The following ARHGEF10L variants were observed in gnomAD, a reference collection of about 807,000 sequenced individuals.
The protein encoded by ARHGEF10L is Rho guanine nucleotide exchange factor 10 like.
ARHGEF10L carries 69 observed loss-of-function variants against 141.2 expected under a neutral mutation model. That is an observed-to-expected ratio of 0.49 (90% CI 0.40 to 0.60). ARHGEF10L has a LOEUF of 0.60. Among genes scored for constraint, ARHGEF10L ranks in the 20% least tolerant of loss-of-function variants. ARHGEF10L has a pLI of 0.00. For synonymous variants in ARHGEF10L, 711 were observed against 718.5 expected, an observed-to-expected ratio of 0.99 and a Z score of 0.17; for missense variants, 1,482 against 1,734.3, an observed-to-expected ratio of 0.85 and a Z score of 2.58.
chr1:17,624,990 G>GT (rs2060304545), intron 13 of ARHGEF10L, among the ~76,000 whole-genome samples: 1 of 152,232 alleles, frequency 6.6e-6, no homozygotes, highest in Admixed American at 6.5e-5. Flanking sequence ...CTTTGGGAGT[G>GT]TAGTCTGGTG....
rs777753049 is a variant in ARHGEF10L at position 17,666,929 on chromosome 1, C to T, written c.3009+2334C>T. Among the ~76,000 whole-genome samples the T allele has an allele frequency of 7.4e-5, 11 of 149,176 alleles. No homozygotes were observed. The East Asian group carries it at 8.2e-4, about 11-fold the overall frequency. On this transcript the variant is annotated intron_variant, in intron 26 of 28. Transcript: ENST00000361221. Reference sequence around the variant, plus strand: ...CTTGGCCTTCTGAGAGGAAGGTGAGCGAGGAGCACTAGCTTTCCCAGGCCC... The same window carrying T: ...CTTGGCCTTCTGAGAGGAAGGTGAGTGAGGAGCACTAGCTTTCCCAGGCCC...
At chr1:17,541,024 TG>T (rs1372346427) in intron 1 of ARHGEF10L, among the ~76,000 whole-genome samples, 1 of 152,196 alleles carries the variant, frequency 6.6e-6, no homozygotes, top group Non-Finnish European at 1.5e-5. Context: ...GACTGTGGGC[TG>T]GGGACTGCCC....
At chr1:17,602,678 C>T (rs1247075899) in intron 5 of ARHGEF10L, among the ~76,000 whole-genome samples, 1 of 152,140 alleles carries the variant, frequency 6.6e-6, no homozygotes, top group African/African-American at 2.4e-5. Context: ...AGGGCCTCAT[C>T]TGTGGGGTGT....
the ARHGEF10L span, among the ~76,000 whole-genome samples, chr1:17,531,948 CA>C: frequency 6.6e-6 from 1 of 152,186 alleles, no homozygotes; most frequent in Non-Finnish European, 1.5e-5. Context: ...AGGCTGCAGC[CA>C]TGGCCAGGCC....
At chr1:17,586,672 G>A (rs1330109648) in intron 2 of ARHGEF10L, among the ~76,000 whole-genome samples, 1 of 152,140 alleles carries the variant, frequency 6.6e-6, no homozygotes, top group Non-Finnish European at 1.5e-5. Context: ...AGAGTAGAGG[G>A]GACAGACAGG....
At chr1:17,696,826 T>G in intron 28 of ARHGEF10L, 22 bp from the exon 29 acceptor site, 1 of 1,515,160 alleles carries the variant, frequency 6.6e-7, no homozygotes, top group Non-Finnish European at 8.8e-7. Context: ...GGCCCCTTTC[T>G]CTCTCGCCCC....
intron 1 of ARHGEF10L, among the ~76,000 whole-genome samples, chr1:17,559,106 T>A (rs2077452858): frequency 6.6e-6 from 1 of 152,256 alleles, no homozygotes; most frequent in Non-Finnish European, 1.5e-5. Context: ...GGAATCAGAC[T>A]GCCTGATGTG....
intron 27 of ARHGEF10L, among the ~76,000 whole-genome samples, chr1:17,693,462 G>A (rs2134482): frequency 0.16 from 25,033 of 152,124 alleles, 2,199 homozygotes; most frequent in Middle Eastern, 0.24. Context: ...TTTGGGGTGA[G>A]AGAGCCACAC....
chr1:17,647,324 G>A (rs2061663284), intron 21 of ARHGEF10L, among the ~76,000 whole-genome samples: 2 of 152,172 alleles, frequency 1.3e-5, no homozygotes, highest in Admixed American at 1.3e-4. Context: ...GATTCTGGCT[G>A]TGCTCAGCGA....
At chr1:17,649,871 G>T (rs905350224) in intron 22 of ARHGEF10L, among the ~76,000 whole-genome samples, 1 of 152,184 alleles carries the variant, frequency 6.6e-6, no homozygotes, top group African/African-American at 2.4e-5. Context: ...CACACAGAGG[G>T]TGCAGCAGAA....
chr1:17,643,369 A>C (rs2061424895), intron 21 of ARHGEF10L, among the ~76,000 whole-genome samples: 1 of 152,080 alleles, frequency 6.6e-6, no homozygotes, highest in Non-Finnish European at 1.5e-5. Flanking sequence ...GCCCCTTGGA[A>C]GGGCAGGGAG....
chr1:17,587,224 G>C (rs568622233), intron 2 of ARHGEF10L, among the ~76,000 whole-genome samples: 36 of 152,288 alleles, frequency 2.4e-4, no homozygotes, highest in African/African-American at 6.5e-4. Flanking sequence ...GGCTCGCCCT[G>C]GGAGCACACT....
At chr1:17,609,259 C>T (rs577463241) in intron 7 of ARHGEF10L, among the ~76,000 whole-genome samples, 2 of 152,334 alleles carry the variant, frequency 1.3e-5, no homozygotes, top group South Asian at 2.1e-4. Context: ...CCTGAGTCCT[C>T]AGGCAGCCAT....
intron 15 of ARHGEF10L, among the ~76,000 whole-genome samples, chr1:17,629,745 G>GA (rs2060577070): frequency 6.6e-6 from 1 of 152,148 alleles, no homozygotes; most frequent in African/African-American, 2.4e-5. Flanking sequence ...TGTCTCGGGA[G>GA]AAAAAGCCTT....
At chr1:17,551,578 G>A (rs1465919691) in intron 1 of ARHGEF10L, among the ~76,000 whole-genome samples, 1 of 152,148 alleles carries the variant, frequency 6.6e-6, no homozygotes, top group Non-Finnish European at 1.5e-5. Context: ...CAAGCTAGGG[G>A]ATGACGGGAT....
intron 25 of ARHGEF10L, among the ~76,000 whole-genome samples, chr1:17,660,340 G>A (rs2062541926): frequency 6.6e-6 from 1 of 152,196 alleles, no homozygotes; most frequent in Admixed American, 6.5e-5. Context: ...CTCACTGTGA[G>A]AGCTTGGGCC....
At chr1:17,519,189 A>T in the ARHGEF10L span, among the ~76,000 whole-genome samples, 2 of 151,676 alleles carry the variant, frequency 1.3e-5, no homozygotes, top group African/African-American at 4.8e-5. Context: ...AAAAAAAGGC[A>T]TCAGCATAAT....
chr1:17,655,529 T>C (rs2062189328), intron 23 of ARHGEF10L, among the ~76,000 whole-genome samples: 1 of 152,164 alleles, frequency 6.6e-6, no homozygotes, highest in Non-Finnish European at 1.5e-5. Flanking sequence ...ATCTATCATA[T>C]GCTAGACACA....
intron 26 of ARHGEF10L, among the ~76,000 whole-genome samples, chr1:17,669,628 C>T (rs1401181196): frequency 6.6e-6 from 1 of 152,132 alleles, no homozygotes; most frequent in Non-Finnish European, 1.5e-5. Flanking sequence ...TGCCTGGGCC[C>T]CCCAAAGCTT....
Sources: gnomAD v4.1 joint callset for allele counts (sites outside exome capture counted in the v4.1 genomes callset) on GRCh38, gnomAD v4.1.1 for gene constraint, MANE v1.5 for transcripts, NCBI Gene and HGNC (gene_info 2026-07-23, HGNC 2026-07-21) for gene names.